The following FLI1 variants were observed in gnomAD, a reference collection of about 807,000 sequenced individuals.
The protein encoded by FLI1 is Friend leukemia integration 1 transcription factor.
Under a neutral mutation model 53.1 loss-of-function variants are expected in FLI1, and 13 were observed. The observed-to-expected ratio is 0.24, with a 90% CI of 0.16 to 0.39. FLI1 has a LOEUF of 0.39. FLI1 is among the 10% of genes least tolerant of loss of function. The pLI, the probability that FLI1 is intolerant of heterozygous loss-of-function variation, is 1.00. For synonymous variants in FLI1, 244 were observed against 236.7 expected (o/e 1.03, Z -0.28); for missense variants, 424 against 600.5 (o/e 0.71, Z 3.07).
intron 4 of FLI1, among the ~76,000 whole-genome samples, chr11:128,773,651 G>A (rs556877373): frequency 6.7e-6 from 1 of 148,950 alleles, no homozygotes; most frequent in Non-Finnish European, 1.5e-5. Flanking sequence ...AGCACCAAGC[G>A]CCCATCAGTC....
intron 1 of FLI1, among the ~76,000 whole-genome samples, chr11:128,712,083 C>T (rs1054074721): frequency 1.3e-5 from 2 of 151,980 alleles, no homozygotes; most frequent in African/African-American, 4.8e-5. Flanking sequence ...GGAGGTGGGG[C>T]CTGGTGGGAG....
intron 1 of FLI1, among the ~76,000 whole-genome samples, chr11:128,742,453 C>G (rs984420719): frequency 6.6e-6 from 1 of 152,194 alleles, no homozygotes; most frequent in South Asian, 2.1e-4. Flanking sequence ...CCAGAGTGAC[C>G]TTTGCATGTT....
chr11:128,733,133 A>G (rs866524643), intron 1 of FLI1, among the ~76,000 whole-genome samples: 1 of 152,092 alleles, frequency 6.6e-6, no homozygotes, highest in South Asian at 2.1e-4. Context: ...AGGGCCGCAC[A>G]ATGCAGTCTG....
Position 128,803,218 on chromosome 11 carries a change from C to T in FLI1, c.656-2148C>T, listed in dbSNP as rs75554708. 7.3e-4 allele frequency among the ~76,000 whole-genome samples: 111 copies of T among 151,090 alleles called. 1 individual carries two copies. The East Asian group carries it at 0.014, about 19-fold the overall frequency. ...CTAGAATTATCTCCTTCCCCCAGGC[C>T]CTCAGATCCACCCCACATACCACAA... On this transcript the variant is annotated intron_variant, in intron 5 of 8. Transcript: ENST00000527786.
chr11:128,693,888 G>T (rs1406749598), upstream of FLI1: 2 of 259,496 alleles, frequency 7.7e-6, no homozygotes, highest in African/African-American at 4.4e-5. Flanking sequence ...GTGTGGGGGG[G>T]GAGGGAAGAC....
At chr11:128,720,773 C>G (rs977117605) in intron 1 of FLI1, among the ~76,000 whole-genome samples, 3 of 152,228 alleles carry the variant, frequency 2.0e-5, no homozygotes, top group Non-Finnish European at 4.4e-5. Context: ...GTGACTCCCG[C>G]GTCTCCAAGC....
chr11:128,763,775 A>G (rs546908749), intron 2 of FLI1, among the ~76,000 whole-genome samples: 1 of 152,304 alleles, frequency 6.6e-6, no homozygotes, highest in East Asian at 1.9e-4. Context: ...AGGATCCTGG[A>G]AAAGTTAGCA....
chr11:128,726,570 C>T lies in FLI1; in HGVS notation c.19-31545C>T, dbSNP rs186947842. 3.4e-3 allele frequency among the ~76,000 whole-genome samples: 449 copies of T among 130,630 alleles called. 4 individuals are homozygous for T. The highest frequency in any genetic ancestry group is 0.011 in the African/African-American group (397 of 35,480). 85.7% of individuals were successfully genotyped at this position (130,630 alleles called of 152,430 possible). A position where few individuals can be genotyped will look rare whatever the true frequency, so the allele number is the denominator to read the frequency against. Reference sequence around the variant, plus strand: ...CCCCCACCCCCGCCTAAGCTCCATACCAATGGCCTCTGGCCAGAACAAAGT... The same window carrying T: ...CCCCCACCCCCGCCTAAGCTCCATATCAATGGCCTCTGGCCAGAACAAAGT... On this transcript the variant is annotated intron_variant, in intron 1 of 8. Transcript: ENST00000527786.
chr11:128,719,299 G>A (rs1021660585), intron 1 of FLI1, among the ~76,000 whole-genome samples: 5 of 149,654 alleles, frequency 3.3e-5, no homozygotes, highest in South Asian at 2.1e-4. Context: ...AAAACAGTTC[G>A]TAATGTTGTG....
At chr11:128,757,044 T>TTTTTCTTTCTTTCTTTCTTTCTTTC (rs1555116903) in intron 1 of FLI1, among the ~76,000 whole-genome samples, 1 of 107,028 alleles carries the variant, frequency 9.3e-6, no homozygotes, top group Non-Finnish European at 1.9e-5. Flanking sequence ...CTAGCTAATT[T>TTTTTCTTTCTTTCTTTCTTTCTTTC]TTTCTTTCTT....
intron 5 of FLI1, among the ~76,000 whole-genome samples, chr11:128,801,905 A>C (rs1463292261): frequency 6.6e-6 from 1 of 152,242 alleles, no homozygotes; most frequent in Non-Finnish European, 1.5e-5. Context: ...ATAAACGACA[A>C]ATACAAATTA....
At chr11:128,712,917 G>T (rs1009983036) in intron 1 of FLI1, among the ~76,000 whole-genome samples, 4 of 152,206 alleles carry the variant, frequency 2.6e-5, no homozygotes, top group Non-Finnish European at 1.5e-5. Context: ...ACCTCCTGTG[G>T]TTTTAGAATC....
rs550228650 is a variant in FLI1, at chr11:128,800,626, T to C, written c.656-4740T>C. Among the ~76,000 whole-genome samples, 417 of 119,846 alleles carry C rather than the reference T, an allele frequency of 3.5e-3. 3 individuals are homozygous for C. The highest frequency in any genetic ancestry group is 0.012 in the African/African-American group (396 of 33,058). 78.6% of individuals were successfully genotyped at this position (119,846 alleles called of 152,430 possible). On this transcript the variant is annotated intron_variant, in intron 5 of 8. Coordinates refer to ENST00000527786, the MANE Select transcript of FLI1 (RefSeq NM_002017.5). Reference sequence around the variant, plus strand: ...AGCTTTCGCCTTCCAACAGAGACTTTGCGGAAAAAAATCTCCATGCTCATA... The same window carrying C: ...AGCTTTCGCCTTCCAACAGAGACTTCGCGGAAAAAAATCTCCATGCTCATA...
At chr11:128,805,721 A>C (rs1015131109) in intron 6 of FLI1, 49 of 317,914 alleles carry the variant, frequency 1.5e-4, no homozygotes, top group African/African-American at 2.2e-5. Flanking sequence ...GGTCACTGTC[A>C]CTGGGTTTTG....
At chr11:128,707,073 G>T (rs879774946) in intron 1 of FLI1, among the ~76,000 whole-genome samples, 5 of 152,188 alleles carry the variant, frequency 3.3e-5, no homozygotes, top group Non-Finnish European at 7.3e-5. Flanking sequence ...GGCACGGTTG[G>T]TGTGCTCTGC....
chr11:128,769,720 A>G (rs1941483317), intron 3 of FLI1, among the ~76,000 whole-genome samples: 1 of 152,222 alleles, frequency 6.6e-6, no homozygotes, highest in South Asian at 2.1e-4. Context: ...CTAACAAAGG[A>G]AGAGGAAGAA....
chr11:128,735,220 T>C (rs1591764467), intron 1 of FLI1, among the ~76,000 whole-genome samples: 1 of 152,232 alleles, frequency 6.6e-6, no homozygotes, highest in African/African-American at 2.4e-5. Flanking sequence ...GTCATTATTA[T>C]TACTGATAAC....
At chr11:128,760,320 G>C (rs1005256941) in intron 2 of FLI1, among the ~76,000 whole-genome samples, 2 of 152,096 alleles carry the variant, frequency 1.3e-5, no homozygotes, top group East Asian at 3.9e-4. Context: ...GAACCCAGGC[G>C]TTTGGTTCCA....
At chr11:128,686,427 C>G (rs1865804206), upstream of FLI1, 1 of 456,214 alleles carries the variant, frequency 2.2e-6, no homozygotes, top group Non-Finnish European at 4.4e-6. Flanking sequence ...TCACCGTCCC[C>G]TGGCCTGAAG....
Sources: gnomAD v4.1 joint callset for allele counts (sites outside exome capture counted in the v4.1 genomes callset) on GRCh38, gnomAD v4.1.1 for gene constraint, MANE v1.5 for transcripts, NCBI Gene and HGNC (gene_info 2026-07-23, HGNC 2026-07-21) for gene names.